Variants in BFSP1 observed in about 807,000 individuals in gnomAD.
BFSP1 encodes filensin.
Under a neutral mutation model 43.9 loss-of-function variants are expected in BFSP1, and 38 were observed. The ratio of observed to expected loss-of-function variants is 0.87; its 90% CI spans 0.67 to 1.14. The LOEUF (loss-of-function observed/expected upper bound fraction) is 1.14. BFSP1 is among the 50% of genes most tolerant of loss of function. BFSP1 has a pLI of 0.00. For missense variants in BFSP1, 850 were observed against 875.1 expected, an observed-to-expected ratio of 0.97 and a Z score of 0.36; for synonymous variants, 352 against 354.8, an observed-to-expected ratio of 0.99 and a Z score of 0.09.
At chr20:17,545,745 T>C (rs898839633) in intron 1 of BFSP1, among the ~76,000 whole-genome samples, 3 of 152,226 alleles carry the variant, frequency 2.0e-5, no homozygotes, top group African/African-American at 7.2e-5. Flanking sequence ...GCTTTCAAGA[T>C]CATTATACTT....
At chr20:17,529,251 T>G (rs1403308555) in intron 1 of BFSP1, among the ~76,000 whole-genome samples, 1 of 152,180 alleles carries the variant, frequency 6.6e-6, no homozygotes, top group Non-Finnish European at 1.5e-5. Context: ...TTTTGTATTT[T>G]TTAAAGTAGA....
chr20:17,546,091 C>T (rs888768351), intron 1 of BFSP1, among the ~76,000 whole-genome samples: 1 of 152,152 alleles, frequency 6.6e-6, no homozygotes, highest in Admixed American at 6.5e-5. Context: ...TCCATTTTCG[C>T]ACTGCTATAA....
chr20:17,508,991 C>T lies in BFSP1; in HGVS notation c.633G>A (p.Lys211=). The change falls in exon 5 of 8, where the codon AAG becomes AAA. Residue 211 remains lysine (K), a synonymous_variant. Coordinates refer to ENST00000377873, the MANE Select transcript of BFSP1 (RefSeq NM_001195.5). ...SIVTSGMREE[K]LLTEREVAAL... is the part of the protein sequence containing the mutation. ...CGGCCACCTCCCGCTCCGTCAGGAGCTTCTCCTGCACAGAGAAGGCCAGAG... is the reference window on the plus strand; with the variant it reads ...CGGCCACCTCCCGCTCCGTCAGGAGTTTCTCCTGCACAGAGAAGGCCAGAG... 6.3e-7 allele frequency: 1 copy of T among 1,580,850 alleles called. No individual in the cohort carries two copies. The highest frequency in any genetic ancestry group is 8.6e-7 in the Non-Finnish European group (1 of 1,164,880).
chr20:17,526,002 A>G (rs1224506963), intron 1 of BFSP1, among the ~76,000 whole-genome samples: 2 of 152,012 alleles, frequency 1.3e-5, no homozygotes, highest in Non-Finnish European at 2.9e-5. Flanking sequence ...AAGGCCACAC[A>G]GAACCTTCTG....
intron 1 of BFSP1, among the ~76,000 whole-genome samples, chr20:17,550,596 A>G (rs1047782516): frequency 6.6e-6 from 1 of 151,310 alleles, no homozygotes; most frequent in Non-Finnish European, 1.5e-5. Flanking sequence ...TCCTGAGTAG[A>G]TGGAATTACA....
chr20:17,568,560 G>T (rs183199534), intron 1 of BFSP1, among the ~76,000 whole-genome samples: 1 of 152,204 alleles, frequency 6.6e-6, no homozygotes, highest in African/African-American at 2.4e-5. Context: ...CATCTTAGAA[G>T]CAGTGAGGGA....
chr20:17,505,467 A>G (rs2023508), intron 5 of BFSP1, among the ~76,000 whole-genome samples: 93,317 of 152,100 alleles, frequency 0.61, 28,856 homozygotes, highest in Middle Eastern at 0.68. Flanking sequence ...CGCCCTAACC[A>G]TAGGCGGAAC....
At chr20:17,558,770 G>A (rs2035036481) in exon 1 of BFSP1, 7 of 1,544,504 alleles carry the variant, frequency 4.5e-6, no homozygotes, top group Non-Finnish European at 6.1e-6. Flanking sequence ...CCTGCTGCCT[G>A]AGGTACCCTG....
At chr20:17,556,665 G>A (rs2034995542) in intron 1 of BFSP1, among the ~76,000 whole-genome samples, 1 of 151,726 alleles carries the variant, frequency 6.6e-6, no homozygotes, top group South Asian at 2.1e-4. Flanking sequence ...AATTTGGTGA[G>A]GAGGGAAAGA....
chr20:17,524,933 A>C, intron 1 of BFSP1, 25 bp from the exon 2 acceptor site: 1 of 1,596,908 alleles, frequency 6.3e-7, no homozygotes, highest in East Asian at 2.2e-5. Context: ...CATAAGTGAG[A>C]GTTGGGTAAC....
At chr20:17,523,696 G>T (rs138443985) in intron 2 of BFSP1, among the ~76,000 whole-genome samples, 97 of 150,916 alleles carry the variant, frequency 6.4e-4, no homozygotes, top group African/African-American at 2.2e-3. Context: ...AGCCTGCATT[G>T]ACTGACCTGT....
chr20:17,499,052 G>A lies in BFSP1; in HGVS notation c.736-12C>T. 6.2e-7 allele frequency: 1 copy of A among 1,612,158 alleles called. No individual in the cohort carries two copies. The highest frequency in any genetic ancestry group is 1.1e-5 in the South Asian group (1 of 91,022). On this transcript the variant is annotated splice_polypyrimidine_tract_variant and intron_variant, in intron 5 of 7. Coordinates refer to ENST00000377873, the MANE Select transcript of BFSP1 (RefSeq NM_001195.5). ...TCCAGAGTTGTTGTCTGTGGGCAAGGACACGCTGTAAGAAAATCCATCCCC... is the reference window on the plus strand; with the variant it reads ...TCCAGAGTTGTTGTCTGTGGGCAAGAACACGCTGTAAGAAAATCCATCCCC...
At chr20:17,567,964 AAAG>A (rs563211526) in intron 1 of BFSP1, among the ~76,000 whole-genome samples, 44 of 152,054 alleles carry the variant, frequency 2.9e-4, no homozygotes, top group Non-Finnish European at 5.4e-4. Flanking sequence ...AAAAAAAAAA[AAAG>A]AAGGAACTAC....
intron 1 of BFSP1, among the ~76,000 whole-genome samples, chr20:17,558,018 C>T (rs1164014638): frequency 2.0e-5 from 3 of 152,152 alleles, no homozygotes; most frequent in African/African-American, 4.8e-5. Flanking sequence ...AGGACCCCAG[C>T]CATTATTTGT....
chr20:17,511,882 G>T, intron 4 of BFSP1, 94 bp downstream of exon 4: 6 of 1,084,624 alleles, frequency 5.5e-6, no homozygotes, highest in Middle Eastern at 3.0e-4. Context: ...CCTGGTGGCC[G>T]CCCTCACAGT....
At chr20:17,521,334 C>T (rs994987264) in intron 2 of BFSP1, among the ~76,000 whole-genome samples, 11 of 152,194 alleles carry the variant, frequency 7.2e-5, no homozygotes, top group African/African-American at 1.9e-4. Flanking sequence ...CTTGATTACA[C>T]GGGCAGCATG....
At chr20:17,529,180 C>G (rs1386159654) in intron 1 of BFSP1, among the ~76,000 whole-genome samples, 1 of 151,944 alleles carries the variant, frequency 6.6e-6, no homozygotes, top group Non-Finnish European at 1.5e-5. Context: ...TCAAGTGATT[C>G]TCCTGCCTCA....
At chr20:17,542,061 T>C (rs2123561648) in intron 1 of BFSP1, among the ~76,000 whole-genome samples, 1 of 152,266 alleles carries the variant, frequency 6.6e-6, no homozygotes, top group Non-Finnish European at 1.5e-5. Context: ...TTTCAGGGCA[T>C]TGCAGAGTCA....
intron 3 of BFSP1, among the ~76,000 whole-genome samples, chr20:17,512,988 C>T (rs934619110): frequency 6.6e-6 from 1 of 152,236 alleles, no homozygotes; most frequent in East Asian, 1.9e-4. Flanking sequence ...CTCCAGAAAG[C>T]AGCCCTTGGC....
Sources: gnomAD v4.1 joint callset for allele counts (sites outside exome capture counted in the v4.1 genomes callset) on GRCh38, gnomAD v4.1.1 for gene constraint, MANE v1.5 for transcripts, NCBI Gene and HGNC (gene_info 2026-07-23, HGNC 2026-07-21) for gene names.